Variants in XIRP2 observed in about 807,000 individuals in gnomAD.
XIRP2 encodes the protein xin actin-binding repeat-containing protein 2.
A neutral mutation model predicts 277.0 loss-of-function variants in XIRP2; 236 were observed. The ratio of observed to expected loss-of-function variants is 0.85; its 90% confidence interval spans 0.77 to 0.95. The LOEUF is 0.95. XIRP2 is among the 40% of genes least tolerant of loss of function. The pLI is 0.00. For synonymous variants in XIRP2, 1,490 were observed against 1,416.5 expected, an observed-to-expected ratio of 1.05 and a Z score of -1.17; for missense variants, 4,640 against 4,157.5, an observed-to-expected ratio of 1.12 and a Z score of -3.19.
At chr2:167,151,915 G>C (rs550338057) in intron 3 of XIRP2, among the ~76,000 whole-genome samples, 2 of 152,138 alleles carry the variant, frequency 1.3e-5, no homozygotes, top group African/African-American at 4.8e-5. Context: ...TAGCTCTTGA[G>C]CCTGGCAAGA....
chr2:167,199,754 T>A (rs931653099), intron 3 of XIRP2, among the ~76,000 whole-genome samples: 7 of 152,168 alleles, frequency 4.6e-5, no homozygotes, highest in Admixed American at 6.5e-5. Context: ...TCTCAAGTTT[T>A]CATTCCAGCT....
chr2:167,210,757 TGA>T lies in XIRP2; in HGVS notation c.589_590del (p.Ser197TrpfsTer37). 6.2e-7 allele frequency: 1 copy of T among 1,614,190 alleles called. No individual in the cohort carries two copies. The highest frequency in any genetic ancestry group is 8.5e-7 in the Non-Finnish European group (1 of 1,180,030). Reference sequence around the variant, plus strand: ...CAGCGACTGCTGGCCCTAATAAGCCTGAGAGTGGATTTGCAGAAGACAGTGCT... The same window carrying T: ...CAGCGACTGCTGGCCCTAATAAGCCTGAGTGGATTTGCAGAAGACAGTGCT... ...FEATAGPNKP[E>X]SGFAEDSAAR... On this transcript the variant is annotated frameshift_variant, in exon 4 of 11. Coordinates refer to ENST00000409195, the MANE Select transcript of XIRP2 (RefSeq NM_152381.6). LOFTEE classifies it high-confidence loss of function.
intron 3 of XIRP2, among the ~76,000 whole-genome samples, chr2:167,199,726 G>A (rs1559017430): frequency 1.3e-5 from 2 of 152,140 alleles, no homozygotes; most frequent in Non-Finnish European, 2.9e-5. Flanking sequence ...TGAGGGGTGA[G>A]CACATTTGCT....
At chr2:166,951,889 C>A (rs1209659073) in intron 2 of XIRP2, among the ~76,000 whole-genome samples, 2 of 152,040 alleles carry the variant, frequency 1.3e-5, no homozygotes, top group African/African-American at 4.8e-5. Context: ...TGCTACTTGA[C>A]TTCCCTGAGC....
In XIRP2 at chr2:167,152,815, A is replaced by T. The variant is rs371169162; in HGVS notation, c.562+16753A>T. On this transcript the variant is annotated intron_variant, in intron 3 of 10. Transcript: ENST00000409195. Reference sequence around the variant, plus strand: ...CCCCCCAACTCCACCACTCCAAGGAATCACTGTGAGAAGCACAAGATTCTA... The same window carrying T: ...CCCCCCAACTCCACCACTCCAAGGATTCACTGTGAGAAGCACAAGATTCTA... Among the ~76,000 whole-genome samples, 125 of 152,252 alleles carry T rather than the reference A, an allele frequency of 8.2e-4. 5 individuals are homozygous for T. In the South Asian group the frequency reaches 0.026, roughly 32 times the overall value.
intron 2 of XIRP2, among the ~76,000 whole-genome samples, chr2:167,024,164 C>G (rs1370112583): frequency 1.3e-5 from 2 of 151,976 alleles, no homozygotes; most frequent in South Asian, 4.1e-4. Flanking sequence ...GAAAAGGTCC[C>G]TCACGTCCCT....
Position 167,254,101 on chromosome 2 carries a change from G to C in XIRP2, c.10625G>C (p.Ser3542Thr), listed in dbSNP as rs2105453240. The change falls in exon 10 of 11, where the codon AGT becomes ACT. Residue 3542 changes from serine to threonine, a missense_variant. Transcript: ENST00000409195. ...SKDSLSNGVP[S>T]GRQAEFS Reference sequence around the variant, plus strand: ...GACAGTTTATCCAATGGAGTGCCTAGTGGCAGACAAGCAGAATTTTCATAA... The same window carrying C: ...GACAGTTTATCCAATGGAGTGCCTACTGGCAGACAAGCAGAATTTTCATAA... 6.2e-7 allele frequency: 1 copy of C among 1,610,982 alleles called. No homozygotes were observed. Among genetic ancestry groups the C allele is most frequent in the East Asian group, 2.2e-5 (1 of 44,790 alleles).
chr2:167,112,150 T>C (rs1037862889), intron 2 of XIRP2, among the ~76,000 whole-genome samples: 3 of 152,112 alleles, frequency 2.0e-5, no homozygotes, highest in Non-Finnish European at 2.9e-5. Context: ...GTTTTTTGTG[T>C]CTCAGTTTCA....
At chr2:166,994,596 A>G (rs1372672273) in intron 2 of XIRP2, among the ~76,000 whole-genome samples, 2 of 149,142 alleles carry the variant, frequency 1.3e-5, no homozygotes, top group Non-Finnish European at 3.0e-5. Flanking sequence ...ACAATATGGT[A>G]GGACAGCAAT....
chr2:167,074,789 G>C (rs1410868391), intron 2 of XIRP2, among the ~76,000 whole-genome samples: 1 of 151,982 alleles, frequency 6.6e-6, no homozygotes, highest in African/African-American at 2.4e-5. Context: ...ACAGGCACCA[G>C]CCACCACACT....
chr2:167,040,827 A>C (rs1396508631), intron 2 of XIRP2, among the ~76,000 whole-genome samples: 1 of 152,106 alleles, frequency 6.6e-6, no homozygotes, highest in Admixed American at 6.5e-5. Context: ...GTGGGCCCCC[A>C]CCAGCACCTA....
intron 2 of XIRP2, among the ~76,000 whole-genome samples, chr2:167,089,523 G>A (rs184322612): frequency 6.2e-4 from 94 of 152,210 alleles, no homozygotes; most frequent in African/African-American, 2.0e-3. Flanking sequence ...AATGTTGTGC[G>A]CATGAGGGTC....
chr2:167,106,491 C>T (rs1392291617), intron 2 of XIRP2, among the ~76,000 whole-genome samples: 3 of 151,590 alleles, frequency 2.0e-5, no homozygotes, highest in Admixed American at 6.6e-5. Flanking sequence ...ATTTATGTGA[C>T]CTTTTTCCGG....
At chr2:166,949,013 T>C (rs182922946) in intron 2 of XIRP2, among the ~76,000 whole-genome samples, 2 of 152,084 alleles carry the variant, frequency 1.3e-5, no homozygotes, top group East Asian at 1.9e-4. Flanking sequence ...GTGTTTTTTT[T>C]CTCTCTAAAT....
At position 166,935,640 on chromosome 2, in the gene XIRP2, C is replaced by A. The variant is rs965368537; in HGVS notation, c.408+31750C>A. On this transcript the variant is annotated intron_variant, in intron 2 of 10. Coordinates refer to ENST00000409195, the MANE Select transcript of XIRP2 (RefSeq NM_152381.6). Reference sequence around the variant, plus strand: ...ATGTGTTCTCATTCTTCAATTCCCACCTATGATTGAGAACATACAGTGTTT... The same window carrying A: ...ATGTGTTCTCATTCTTCAATTCCCAACTATGATTGAGAACATACAGTGTTT... 3.3e-5 allele frequency among the ~76,000 whole-genome samples: 5 copies of A among 152,288 alleles called. No individual in the cohort carries two copies. The East Asian group carries it at 9.7e-4, about 29-fold the overall frequency.
intron 5 of XIRP2, 88 bp from the exon 6 acceptor site, chr2:167,239,767 C>A: frequency 9.1e-7 from 1 of 1,101,946 alleles, no homozygotes; most frequent in East Asian, 2.7e-5. Context: ...CATTTTTTTT[C>A]AGAAATTGTC....
intron 2 of XIRP2, among the ~76,000 whole-genome samples, chr2:167,065,956 A>G (rs4569494): frequency 7.2e-4 from 110 of 152,092 alleles, no homozygotes; most frequent in African/African-American, 2.6e-3. Context: ...AAAAAGCAGT[A>G]CACACTTACA....
chr2:167,058,021 ATTATTTTATTTTATT>A (rs370711918), intron 2 of XIRP2, among the ~76,000 whole-genome samples: 3,147 of 136,814 alleles, frequency 0.023, 59 homozygotes, highest in East Asian at 0.053. Flanking sequence ...TTATTTTATA[ATTATTTTATTTTATT>A]TTATTTTATT....
Position 167,245,707 on chromosome 2 carries a change from G to C in XIRP2, c.4315G>C (p.Val1439Leu). 1 of 1,613,562 alleles carries C rather than the reference G, an allele frequency of 6.2e-7. No individual in the cohort carries two copies. Among genetic ancestry groups the C allele is most frequent in the Non-Finnish European group, 8.5e-7 (1 of 1,179,682 alleles). Residue 1439 changes from valine (V) to leucine (L), a missense_variant, in exon 9 of 11, where the codon GTA (valine) becomes CTA (leucine). Coordinates refer to ENST00000409195, the MANE Select transcript of XIRP2 (RefSeq NM_152381.6). The part of the protein sequence containing the change: ...NFDKNNYIRT[V>L]SVNEIQKGNV... ...TGATAAGAATAACTATATACGAACA[G>C]TAAGTGTCAATGAAATACAAAAGGG...
Sources: allele counts gnomAD v4.1 joint callset (sites outside exome capture counted in the v4.1 genomes callset), GRCh38; gene constraint gnomAD v4.1.1; transcripts MANE v1.5; gene names NCBI Gene and HGNC (gene_info 2026-07-23, HGNC 2026-07-21).